Variants in OR56A3 observed in about 807,000 individuals in gnomAD.
The protein encoded by OR56A3 is olfactory receptor family 56 subfamily A member 3, also known as olfactory receptor 56A3.
Under a neutral mutation model 17.5 loss-of-function variants are expected in OR56A3, and 23 were observed. The ratio of observed to expected loss-of-function variants is 1.32; its 90% confidence interval spans 0.95 to 1.87. The LOEUF is 1.87. Ranked by LOEUF, OR56A3 falls within the 40% of genes most tolerant of loss-of-function variation. The pLI is 0.00. For synonymous variants in OR56A3, 175 were observed against 150.6 expected, an observed-to-expected ratio of 1.16 and a Z score of -1.19; for missense variants, 366 against 380.1, an observed-to-expected ratio of 0.96 and a Z score of 0.31.
chr11:5,958,911 T>C, the OR56A3 span, among the ~76,000 whole-genome samples: 1 of 152,230 alleles, frequency 6.6e-6, no homozygotes, highest in East Asian at 1.9e-4. Context: ...CTTATTTCAC[T>C]TAACATAATG....
the OR56A3 span, chr11:5,968,513 A>G: frequency 6.6e-7 from 1 of 1,510,482 alleles, no homozygotes; most frequent in African/African-American, 1.4e-5. Flanking sequence ...TCCTCAGCTG[A>G]GAAAATTTCA....
At chr11:5,992,129 C>G in the OR56A3 span, among the ~76,000 whole-genome samples, 14 of 152,346 alleles carry the variant, frequency 9.2e-5, no homozygotes, top group African/African-American at 3.4e-4. Flanking sequence ...ACTTCTCATT[C>G]TCACGGAACA....
the OR56A3 span, among the ~76,000 whole-genome samples, chr11:5,989,313 G>C: frequency 1.3e-5 from 2 of 152,186 alleles, no homozygotes; most frequent in East Asian, 3.9e-4. Flanking sequence ...TGCATTTGTG[G>C]AAGGCACTCA....
At chr11:5,968,876 A>G in the OR56A3 span, among the ~76,000 whole-genome samples, 1 of 152,236 alleles carries the variant, frequency 6.6e-6, no homozygotes, top group Admixed American at 6.5e-5. Context: ...AGAGTAATCT[A>G]GAATTAATAA....
At chr11:5,958,732 T>G in the OR56A3 span, among the ~76,000 whole-genome samples, 5 of 152,166 alleles carry the variant, frequency 3.3e-5, no homozygotes, top group South Asian at 2.1e-4. Context: ...TTGGACTTAT[T>G]TTTTCTATCT....
the OR56A3 span, among the ~76,000 whole-genome samples, chr11:6,012,665 A>G: frequency 6.6e-6 from 1 of 152,160 alleles, no homozygotes; most frequent in South Asian, 2.1e-4. Context: ...TGACTGGTCC[A>G]TGGGCAGCCG....
chr11:5,942,779 T>C (rs1847846744), intron 1 of OR56A3, among the ~76,000 whole-genome samples: 1 of 152,278 alleles, frequency 6.6e-6, no homozygotes, highest in Non-Finnish European at 1.5e-5. Context: ...TACCTGTCAC[T>C]GGATGCACTG....
the OR56A3 span, among the ~76,000 whole-genome samples, chr11:5,964,033 A>T: frequency 1.3e-5 from 2 of 152,164 alleles, no homozygotes; most frequent in Non-Finnish European, 2.9e-5. Context: ...TCATTGTAAT[A>T]TTCAGCTCAG....
At chr11:5,957,478 A>G in the OR56A3 span, among the ~76,000 whole-genome samples, 1 of 152,202 alleles carries the variant, frequency 6.6e-6, no homozygotes, top group East Asian at 1.9e-4. Flanking sequence ...ATAGCTTCCT[A>G]TTCCCCGGTG....
At chr11:5,954,004 G>A (rs1847921141), downstream of OR56A3, among the ~76,000 whole-genome samples, 1 of 152,064 alleles carries the variant, frequency 6.6e-6, no homozygotes, top group African/African-American at 2.4e-5. Flanking sequence ...GCCGCAAAGA[G>A]CTCAAAATAT....
the OR56A3 span, among the ~76,000 whole-genome samples, chr11:5,968,847 G>A: frequency 3.3e-5 from 5 of 152,040 alleles, no homozygotes; most frequent in African/African-American, 1.2e-4. Context: ...CCACAGGCTA[G>A]AAACACTCAT....
chr11:6,021,177 C>T, the OR56A3 span: 5 of 151,964 alleles, frequency 3.3e-5, no homozygotes, highest in East Asian at 7.7e-4. Flanking sequence ...TGACCTGATA[C>T]AGATAGATCA....
chr11:5,995,139 GGAGT>G, the OR56A3 span: 2 of 574,486 alleles, frequency 3.5e-6, no homozygotes, highest in African/African-American at 3.8e-5. Flanking sequence ...TGGAGAAGGT[GGAGT>G]GAGTGGTGAA....
In OR56A3 at chr11:5,947,885, A is replaced by G. The variant is rs1364186139; in HGVS notation, c.539A>G (p.Asn180Ser). 2.5e-6 allele frequency: 4 copies of G among 1,614,082 alleles called. No individual in the cohort carries two copies. The African/African-American group carries it at 5.3e-5, about 22-fold the overall frequency. Residue 180 changes from asparagine to serine, a missense_variant, in exon 3 of 3, where the codon AAC becomes AGC. By Grantham distance (46) the Asn-to-Ser change is conservative. Coordinates refer to ENST00000641160, the MANE Select transcript of OR56A3 (RefSeq NM_001003443.3). ...TATTGTGGAAGAAATGTCATTGAGAACTGCATCTGTGCCAATATGTCTGTT... is the reference window on the plus strand; with the variant it reads ...TATTGTGGAAGAAATGTCATTGAGAGCTGCATCTGTGCCAATATGTCTGTT... ...LRYCGRNVIE[N>S]CICANMSVSR... is the part of the protein sequence containing the mutation.
At chr11:5,994,309 G>A in the OR56A3 span, 1 of 656,352 alleles carries the variant, frequency 1.5e-6, no homozygotes, top group Non-Finnish European at 2.8e-6. Context: ...TCCGACCTTG[G>A]CGGACTGCAT....
At chr11:5,945,177 T>C (rs1004374649) in intron 2 of OR56A3, 95 bp downstream of exon 2, 1 of 152,240 alleles carries the variant, frequency 6.6e-6, no homozygotes, top group African/African-American at 2.4e-5. Context: ...CCCCAAAACT[T>C]TTTTCCTCGA....
chr11:5,950,725 T>C lies in OR56A3; in HGVS notation c.*2431T>C, dbSNP rs1438003691. 1 of 152,158 alleles carries C rather than the reference T, an allele frequency of 6.6e-6. No homozygotes were observed. The highest frequency in any genetic ancestry group is 1.5e-5 in the Non-Finnish European group (1 of 68,002). The allele number at this position is 152,158 out of a possible 1,614,324, so 9.4% of individuals were successfully genotyped here. On this transcript the variant is annotated 3_prime_UTR_variant, in exon 3 of 3. Coordinates refer to ENST00000641160, the MANE Select transcript of OR56A3 (RefSeq NM_001003443.3). Reference sequence around the variant, plus strand: ...ATACAAGATAATCATTAATGTGATATTGCACATTCCTTTTCTGTACTAAGT... The same window carrying C: ...ATACAAGATAATCATTAATGTGATACTGCACATTCCTTTTCTGTACTAAGT...
the OR56A3 span, among the ~76,000 whole-genome samples, chr11:6,016,162 TA>T: frequency 6.6e-6 from 1 of 152,100 alleles, no homozygotes. Flanking sequence ...TATGGTTGTT[TA>T]AAAGTGTGTA....
the OR56A3 span, among the ~76,000 whole-genome samples, chr11:5,966,236 T>C: frequency 3.0e-3 from 425 of 143,204 alleles, 1 homozygote; most frequent in African/African-American, 0.01. Flanking sequence ...AAACCGGGCA[T>C]GGTGGTGCAC....
Sources: gnomAD v4.1 joint callset for allele counts (sites outside exome capture counted in the v4.1 genomes callset) on GRCh38, gnomAD v4.1.1 for gene constraint, MANE v1.5 for transcripts, NCBI Gene and HGNC (gene_info 2026-07-23, HGNC 2026-07-21) for gene names.